NRG4: variants seen among roughly 807,000 people sequenced by gnomAD.
NRG4 encodes the protein pro-neuregulin-4, membrane-bound isoform.
NRG4 carries 10 observed loss-of-function variants against 15.0 expected under a neutral mutation model. That is an observed-to-expected ratio of 0.67 (90% CI 0.41 to 1.13). NRG4 has a LOEUF of 1.13. NRG4 is among the 50% of genes most tolerant of loss of function. The pLI, the probability that NRG4 is intolerant of heterozygous loss-of-function variation, is 0.00. For missense variants in NRG4, 139 were observed against 140.2 expected (o/e 0.99, Z 0.04); for synonymous variants, 41 against 50.1 (o/e 0.82, Z 0.77).
intron 4 of NRG4, 75 bp from the exon 5 acceptor site, chr15:75,956,086 GT>G (rs10711025): frequency 0.78 from 380,707 of 486,716 alleles, 137,611 homozygotes; most frequent in African/African-American, 0.91. Context: ...TAGAAAGAAA[GT>G]TTTTTTTTTT....
intron 5 of NRG4, among the ~76,000 whole-genome samples, chr15:76,019,489 G>A (rs1034768362): frequency 5.3e-5 from 8 of 152,298 alleles, no homozygotes; most frequent in Admixed American, 2.0e-4. Context: ...CCCTGATGGC[G>A]TAGGCACGTG....
downstream of NRG4, chr15:75,936,577 G>T (rs1253292940): frequency 6.6e-6 from 1 of 151,966 alleles, no homozygotes; most frequent in Non-Finnish European, 1.5e-5. Flanking sequence ...TTTTGGTATG[G>T]AAACTTTTTT....
intron 5 of NRG4, among the ~76,000 whole-genome samples, chr15:75,944,157 C>T (rs2031291903): frequency 6.6e-6 from 1 of 152,214 alleles, no homozygotes. Context: ...AGTCCTGAGA[C>T]TAACACCCAT....
Position 75,947,169 on chromosome 15 carries a change from A to G in NRG4, c.332-3515T>C, listed in dbSNP as rs1013042882. ...TAGGGAGCATGTGCATTTTGATTTT[A>G]CTTGTCCTCAGACTGGCCCATTGCT... On this transcript the variant is annotated intron_variant, in intron 5 of 5. Transcript: ENST00000394907. 1.9e-4 allele frequency among the ~76,000 whole-genome samples: 29 copies of G among 152,180 alleles called. 1 individual carries two copies. Among genetic ancestry groups the G allele is most frequent in the African/African-American group, 6.5e-4 (27 of 41,446 alleles).
intron 5 of NRG4, among the ~76,000 whole-genome samples, chr15:75,946,358 GTTTGAT>G (rs1303912149): frequency 2.0e-5 from 3 of 151,866 alleles, no homozygotes; most frequent in Admixed American, 1.3e-4. Context: ...TGTTTGTTTT[GTTTGAT>G]TTTGTTTTTT....
Position 76,009,236 on chromosome 15 carries a change from C to A in NRG4, c.68G>T (p.Cys23Phe), listed in dbSNP as rs201119503. 7.0e-5 allele frequency: 112 copies of A among 1,604,498 alleles called. No individual in the cohort carries two copies. The highest frequency in any genetic ancestry group is 1.7e-4 in the Middle Eastern group (1 of 6,042). The change falls in exon 3 of 6, where the codon TGT (cysteine) becomes TTT (phenylalanine). Residue 23 changes from cysteine (C) to phenylalanine (F), a missense_variant. Physicochemically the swap from Cys to Phe is radical, Grantham distance 205. Transcript: ENST00000394907. ...GCTGGGAATAGTAGGTATCACATAA[C>A]AAAGCCCCCCATTCAGGCAAAACGA... Reference protein sequence around the residue: ...HKSFCLNGGLCYVIPTIPSPF... With the variant: ...HKSFCLNGGLFYVIPTIPSPF...
chr15:76,046,342 G>GA lies in NRG4; in HGVS notation c.-105+5724dup, dbSNP rs577136327. ...CGAACGGCGTTCTTTATAAAAATAG[G>GA]AAAAAAAATTCTTAAATTTATATGG... On this transcript the variant is annotated intron_variant, in intron 4 of 8. Coordinates refer to the NRG4 transcript ENST00000563910. Among the ~76,000 whole-genome samples, 27 of 150,652 alleles carry GA rather than the reference G, an allele frequency of 1.8e-4. 1 individual carries two copies. The highest frequency in any genetic ancestry group is 4.0e-4 in the Admixed American group (6 of 15,180).
intron 1 of NRG4, chr15:76,012,005 G>A (rs2034827966): frequency 6.6e-6 from 1 of 152,028 alleles, no homozygotes. Flanking sequence ...AAGAGGTGAA[G>A]CATTTATACT....
Position 75,942,931 on chromosome 15 carries a change from C to T in NRG4, c.*707G>A, listed in dbSNP as rs2031148779. 2 of 152,128 alleles carry T rather than the reference C, an allele frequency of 1.3e-5. No homozygotes were observed. The highest frequency in any genetic ancestry group is 4.8e-5 in the African/African-American group (2 of 41,408). The allele number at this position is 152,128 out of a possible 1,614,324, so 9.4% of individuals were successfully genotyped here. ...AGAAACTGCATTCTGAAAAATCATG[C>T]ACTAAAAATTACAAGGGAAATAGGT... On this transcript the variant is annotated 3_prime_UTR_variant, in exon 6 of 6. Coordinates refer to ENST00000394907, the MANE Select transcript of NRG4 (RefSeq NM_138573.4).
intron 3 of NRG4, among the ~76,000 whole-genome samples, chr15:75,996,496 GAAAT>G (rs571939957): frequency 2.7e-4 from 41 of 152,200 alleles, no homozygotes; most frequent in African/African-American, 9.4e-4. Context: ...AGAAGACAGT[GAAAT>G]AAAGAGATAC....
At chr15:76,005,373 C>T (rs1232191565) in intron 3 of NRG4, among the ~76,000 whole-genome samples, 1 of 139,922 alleles carries the variant, frequency 7.1e-6, no homozygotes, top group East Asian at 2.1e-4. Context: ...CACAGCAAGA[C>T]TCCGTCTCTT....
At chr15:75,940,368 C>T (rs998931184), downstream of NRG4, 1 of 151,428 alleles carries the variant, frequency 6.6e-6, no homozygotes, top group African/African-American at 2.4e-5. Context: ...ATCTCATGTT[C>T]ATGGATTGGA....
chr15:76,041,759 T>C (rs1397506834), intron 4 of NRG4, among the ~76,000 whole-genome samples: 1 of 152,088 alleles, frequency 6.6e-6, no homozygotes, highest in Admixed American at 6.6e-5. Context: ...ACTTTAAGCG[T>C]TGGACAGATC....
downstream of NRG4, chr15:75,936,817 C>A (rs1056749083): frequency 4.6e-5 from 7 of 152,026 alleles, no homozygotes; most frequent in Admixed American, 6.6e-5. Flanking sequence ...AGGTGATCTG[C>A]CTGCCTCAGC....
At chr15:75,978,677 T>C (rs1053382869) in intron 3 of NRG4, among the ~76,000 whole-genome samples, 2 of 152,192 alleles carry the variant, frequency 1.3e-5, no homozygotes, top group Non-Finnish European at 2.9e-5. Flanking sequence ...ACCATTCCCC[T>C]TTCTCTATAT....
At chr15:76,041,305 G>A (rs987594724) in intron 4 of NRG4, among the ~76,000 whole-genome samples, 1 of 151,982 alleles carries the variant, frequency 6.6e-6, no homozygotes, top group Non-Finnish European at 1.5e-5. Context: ...GTAAGTCCTT[G>A]CCTATCAATA....
chr15:75,940,397 T>C (rs1382017977), downstream of NRG4: 3 of 151,532 alleles, frequency 2.0e-5, no homozygotes, highest in African/African-American at 7.3e-5. Flanking sequence ...TGTTAATATG[T>C]CAGTACTACT....
chr15:76,025,845 C>G (rs1399374630), intron 5 of NRG4, among the ~76,000 whole-genome samples: 3 of 151,806 alleles, frequency 2.0e-5, no homozygotes, highest in African/African-American at 7.3e-5. Context: ...TCACTGCACT[C>G]CAGCCTGAGT....
chr15:76,014,988 C>T (rs1596026252), upstream of NRG4, among the ~76,000 whole-genome samples: 2 of 152,230 alleles, frequency 1.3e-5, no homozygotes, highest in East Asian at 3.9e-4. Flanking sequence ...ATGGAATGTT[C>T]TTCCATTTGT....
Sources: gnomAD v4.1 joint callset for allele counts (sites outside exome capture counted in the v4.1 genomes callset) on GRCh38, gnomAD v4.1.1 for gene constraint, MANE v1.5 for transcripts, NCBI Gene and HGNC (gene_info 2026-07-23, HGNC 2026-07-21) for gene names.